Variants in RBKS observed in about 807,000 individuals in gnomAD.
The protein encoded by RBKS is ribokinase.
Under a neutral mutation model 33.9 loss-of-function variants are expected in RBKS, and 33 were observed. The observed-to-expected ratio is 0.97, with a 90% CI of 0.74 to 1.30. The LOEUF (loss-of-function observed/expected upper bound fraction) is 1.30, where lower values mean the gene tolerates loss of function less well. RBKS is among the 50% of genes most tolerant of loss of function. The pLI, the probability that RBKS is intolerant of heterozygous loss-of-function variation, is 0.00. For synonymous variants in RBKS, 125 were observed against 143.0 expected (o/e 0.87, Z 0.90); for missense variants, 361 against 392.6 (o/e 0.92, Z 0.68).
chr2:27,792,443 T>G (rs963701246), intron 7 of RBKS, among the ~76,000 whole-genome samples: 2 of 152,208 alleles, frequency 1.3e-5, no homozygotes, highest in African/African-American at 4.8e-5. Context: ...AATTAAAAAA[T>G]AAAAGCTAAG....
At chr2:27,883,326 A>T (rs1298140111) in intron 1 of RBKS, among the ~76,000 whole-genome samples, 1 of 151,788 alleles carries the variant, frequency 6.6e-6, no homozygotes, top group East Asian at 1.9e-4. Flanking sequence ...CAGCCTCCCG[A>T]GTAGCTGGGA....
intron 5 of RBKS, among the ~76,000 whole-genome samples, chr2:27,835,621 T>G (rs1678504319): frequency 6.7e-6 from 1 of 149,408 alleles, no homozygotes; most frequent in Non-Finnish European, 1.5e-5. Context: ...GATGAGGTTT[T>G]GCCATGTTGC....
At chr2:27,857,622 G>A (rs1046405127) in intron 2 of RBKS, among the ~76,000 whole-genome samples, 10 of 152,106 alleles carry the variant, frequency 6.6e-5, no homozygotes, top group Non-Finnish European at 1.0e-4. Context: ...GTGTTGCTGC[G>A]GTGAAACCTG....
At chr2:27,851,476 C>CTTT (rs1663743450) in intron 2 of RBKS, among the ~76,000 whole-genome samples, 2 of 151,988 alleles carry the variant, frequency 1.3e-5, no homozygotes, top group Admixed American at 1.3e-4. Context: ...CATTAGTTGT[C>CTTT]CTTCTGTTCA....
rs1677648004 is a variant in RBKS at position 27,795,400 on chromosome 2, G to T, written c.796-13612C>A. On this transcript the variant is annotated intron_variant, in intron 7 of 7. Transcript: ENST00000302188. This position sits in a 1 kb window ranked among gnomAD's most constrained non-coding sequence, Gnocchi z 4.1. ...GAAAAGTCACATTACATCCAACAGT[G>T]GAAAAACTCTTTGAAATTTAAACAT... Among the ~76,000 whole-genome samples the T allele has an allele frequency of 1.3e-5, 2 of 152,128 alleles. No homozygotes were observed. Among genetic ancestry groups the T allele is most frequent in the Admixed American group, 1.3e-4 (2 of 15,262 alleles).
In RBKS at chr2:27,827,618, T is replaced by C; in HGVS notation, c.744A>G (p.Glu248=). 6.2e-7 allele frequency: 1 copy of C among 1,610,838 alleles called. No individual in the cohort carries two copies. Among genetic ancestry groups the C allele is most frequent in the Non-Finnish European group, 8.5e-7 (1 of 1,178,872 alleles). ...CTGTGGGAATGTGCTTTGGCTCAGG[T>C]TCTGTCTGTGACAGCACCACACATC... is the stretch of plus-strand genomic sequence containing the variant. ...AEGCVVLSQT[E]PEPKHIPTEK... Residue 248 remains glutamate, a synonymous_variant, in exon 7 of 8, where the codon GAA becomes GAG. Transcript: ENST00000302188.
At chr2:27,887,692 CTAA>C (rs1664565817) in intron 1 of RBKS, among the ~76,000 whole-genome samples, 1 of 37,056 alleles carries the variant, frequency 2.7e-5, no homozygotes, top group African/African-American at 6.2e-5. Flanking sequence ...AATGATTTTG[CTAA>C]TCATCAGTAA....
Position 27,890,264 on chromosome 2 carries a change from G to A in RBKS, c.82C>T (p.Leu28=). The A allele has an allele frequency of 6.2e-7, 1 of 1,613,592 alleles. No individual in the cohort carries two copies. Reference sequence around the variant, plus strand: ...AACTGGCCCCGGACTAACCTGACCAGGTCGGTCATGCAGGAGCCCACCACT... The same window carrying A: ...AACTGGCCCCGGACTAACCTGACCAAGTCGGTCATGCAGGAGCCCACCACT... The part of the protein sequence containing the change: ...VVVVGSCMTD[L]VSLTSRLPKT... Residue 28 remains leucine, a synonymous_variant, in exon 1 of 8, where the codon CTG becomes TTG. Transcript: ENST00000302188. This position sits in a 1 kb window ranked among gnomAD's most constrained non-coding sequence, Gnocchi z 4.8.
chr2:27,873,295 C>T (rs1016387414), intron 1 of RBKS, among the ~76,000 whole-genome samples: 2 of 152,158 alleles, frequency 1.3e-5, no homozygotes, highest in African/African-American at 2.4e-5. Context: ...CCCACACAGA[C>T]ATTCTACACA....
rs70953884 is a variant in RBKS, at chr2:27,794,305, A to AAATAATAAT, written c.796-12526_796-12518dup. 4.5e-3 allele frequency among the ~76,000 whole-genome samples: 625 copies of AAATAATAAT among 137,722 alleles called. 4 individuals are homozygous for AAATAATAAT. The highest frequency in any genetic ancestry group is 0.014 in the East Asian group (65 of 4,560). 90.4% of individuals were successfully genotyped at this position (137,722 alleles called of 152,430 possible). On this transcript the variant is annotated intron_variant, in intron 7 of 7. Transcript: ENST00000302188. ...AGAGCGAAACTCCATCCCCCCCACA[A>AAATAATAAT]AATAATAATAATAATAATAATAATA...
chr2:27,821,766 T>C (rs1047274361), intron 7 of RBKS, among the ~76,000 whole-genome samples: 3 of 152,000 alleles, frequency 2.0e-5, no homozygotes, highest in African/African-American at 7.3e-5. Context: ...AAAGTCAGGG[T>C]TTGAAGGAAA....
rs1370445051 is a variant in RBKS at position 27,831,739 on chromosome 2, G to A, written c.606+947C>T. The stretch of plus-strand genomic sequence containing the variant: ...GCCCAGGAGTTCGAGATTAGCCTAG[G>A]CAACATGGCGAAATCCCGTCTCTAC... On this transcript the variant is annotated intron_variant, in intron 6 of 7. Coordinates refer to ENST00000302188, the MANE Select transcript of RBKS (RefSeq NM_022128.3). 3.9e-5 allele frequency among the ~76,000 whole-genome samples: 6 copies of A among 151,914 alleles called. No homozygotes were observed. The East Asian group carries it at 9.7e-4, about 25-fold the overall frequency.
intron 7 of RBKS, among the ~76,000 whole-genome samples, chr2:27,826,693 G>A (rs746995260): frequency 5.9e-5 from 9 of 152,118 alleles, no homozygotes; most frequent in Non-Finnish European, 1.2e-4. Flanking sequence ...AGTGTGAAGT[G>A]GCGCCTGGCA....
intron 5 of RBKS, among the ~76,000 whole-genome samples, chr2:27,840,364 G>GTGCACA (rs1553378252): frequency 7.7e-6 from 1 of 130,076 alleles, no homozygotes; most frequent in Non-Finnish European, 1.6e-5. Flanking sequence ...ACGCGCGCGC[G>GTGCACA]CACACACACA....
intron 7 of RBKS, among the ~76,000 whole-genome samples, chr2:27,813,977 T>C (rs974045342): frequency 1.3e-5 from 2 of 152,054 alleles, no homozygotes; most frequent in Non-Finnish European, 2.9e-5. Context: ...TCCAGCACTT[T>C]GGGAGGCTGA....
chr2:27,861,590 C>A (rs1052080322), intron 1 of RBKS: 1 of 469,664 alleles, frequency 2.1e-6, no homozygotes, highest in Non-Finnish European at 4.4e-6. Context: ...TTAAACCTAA[C>A]CCTGATGCAA....
At chr2:27,801,571 T>C (rs529952952) in intron 7 of RBKS, among the ~76,000 whole-genome samples, 2 of 152,016 alleles carry the variant, frequency 1.3e-5, no homozygotes, top group East Asian at 1.9e-4. Context: ...GTGAAAGTGA[T>C]ACATATTCAG....
chr2:27,828,530 A>G (rs189453184), intron 6 of RBKS, among the ~76,000 whole-genome samples: 14 of 152,336 alleles, frequency 9.2e-5, no homozygotes, highest in Non-Finnish European at 1.5e-4. Flanking sequence ...GAAGCAGATT[A>G]GGAGAGGTAA....
intron 1 of RBKS, among the ~76,000 whole-genome samples, chr2:27,863,900 A>G (rs919196872): frequency 6.6e-6 from 1 of 152,256 alleles, no homozygotes; most frequent in Non-Finnish European, 1.5e-5. Context: ...CTGTAAAAAA[A>G]TCTCCCAACT....
Sources: gnomAD v4.1 joint callset for allele counts (sites outside exome capture counted in the v4.1 genomes callset) on GRCh38, gnomAD v4.1.1 for gene constraint, Gnocchi (gnomAD v3.1) non-coding constraint, MANE v1.5 for transcripts, NCBI Gene and HGNC (gene_info 2026-07-23, HGNC 2026-07-21) for gene names.